ADAMTSL3: variants seen among roughly 807,000 people sequenced by gnomAD.
The protein encoded by ADAMTSL3 is ADAMTS like 3.
In ADAMTSL3, 128 loss-of-function variants were observed where a neutral mutation model predicts 201.7. The observed-to-expected ratio is 0.63, with a 90% CI of 0.55 to 0.73. The LOEUF (loss-of-function observed/expected upper bound fraction) is 0.73, where lower values mean the gene tolerates loss of function less well. ADAMTSL3 is among the 30% of genes least tolerant of loss of function. ADAMTSL3 has a pLI of 0.00. For synonymous variants in ADAMTSL3, 738 were observed against 748.4 expected (o/e 0.99, Z 0.23); for missense variants, 1,990 against 2,119.6 (o/e 0.94, Z 1.20).
chr15:83,735,238 A>C (rs1237633345), intron 3 of ADAMTSL3, among the ~76,000 whole-genome samples: 1 of 152,158 alleles, frequency 6.6e-6, no homozygotes, highest in Admixed American at 6.5e-5. Flanking sequence ...AATACACACC[A>C]TAGAGCTCTC....
intron 19 of ADAMTSL3, among the ~76,000 whole-genome samples, chr15:83,958,292 G>A (rs1035685721): frequency 4.6e-5 from 7 of 152,192 alleles, no homozygotes; most frequent in Admixed American, 2.6e-4. Flanking sequence ...AGTGTGATTG[G>A]ATGCAAGAAA....
At chr15:83,699,172 C>T (rs74024544) in intron 2 of ADAMTSL3, among the ~76,000 whole-genome samples, 3,685 of 152,146 alleles carry the variant, frequency 0.024, 145 homozygotes, top group African/African-American at 0.078. Flanking sequence ...CTATCTCCAG[C>T]GTCAGATTTC....
At chr15:83,687,926 A>G (rs1293827390) in intron 2 of ADAMTSL3, among the ~76,000 whole-genome samples, 1 of 152,188 alleles carries the variant, frequency 6.6e-6, no homozygotes, top group Non-Finnish European at 1.5e-5. Context: ...TTTTCCAAGC[A>G]AAAATTCAGT....
At chr15:83,801,637 A>AAT (rs1212487067) in intron 4 of ADAMTSL3, among the ~76,000 whole-genome samples, 1 of 53,330 alleles carries the variant, frequency 1.9e-5, no homozygotes, top group Non-Finnish European at 3.4e-5. Flanking sequence ...TATATATATA[A>AAT]ATATATAAAT....
chr15:83,737,773 G>A (rs921420089), intron 3 of ADAMTSL3, among the ~76,000 whole-genome samples: 8 of 152,008 alleles, frequency 5.3e-5, no homozygotes, highest in South Asian at 4.2e-4. Flanking sequence ...TACATACCCC[G>A]ATACATCGTG....
intron 4 of ADAMTSL3, among the ~76,000 whole-genome samples, chr15:83,781,868 G>A (rs745675524): frequency 1.7e-4 from 26 of 152,122 alleles, no homozygotes; most frequent in Non-Finnish European, 3.2e-4. Flanking sequence ...ACCACAATGC[G>A]ATAACATGTC....
intron 22 of ADAMTSL3, among the ~76,000 whole-genome samples, chr15:83,990,179 G>A (rs1417377528): frequency 6.6e-6 from 1 of 152,096 alleles, no homozygotes; most frequent in African/African-American, 2.4e-5. Context: ...AGTCCAGAGA[G>A]GGAAGATTTT....
chr15:84,034,303 C>A (rs558789020), intron 28 of ADAMTSL3, among the ~76,000 whole-genome samples: 1 of 152,030 alleles, frequency 6.6e-6, no homozygotes, highest in Non-Finnish European at 1.5e-5. Context: ...GCAATGGAGA[C>A]CCCCCATTTG....
chr15:83,749,071 A>G (rs774072349), intron 3 of ADAMTSL3, among the ~76,000 whole-genome samples: 1 of 152,222 alleles, frequency 6.6e-6, no homozygotes, highest in Non-Finnish European at 1.5e-5. Flanking sequence ...CACAGCCCAC[A>G]AGAAACTCTG....
intron 19 of ADAMTSL3, among the ~76,000 whole-genome samples, chr15:83,946,297 G>A (rs1326267711): frequency 1.3e-5 from 2 of 152,180 alleles, no homozygotes; most frequent in African/African-American, 2.4e-5. Flanking sequence ...TGCCAGTTGC[G>A]TATCACTAAA....
At chr15:83,804,121 C>T (rs771911456) in intron 4 of ADAMTSL3, among the ~76,000 whole-genome samples, 4 of 151,074 alleles carry the variant, frequency 2.6e-5, no homozygotes, top group East Asian at 2.0e-4. Context: ...CCAGCCTGGG[C>T]GACAGAGTGA....
At chr15:83,822,966 G>T (rs1279412127) in intron 6 of ADAMTSL3, among the ~76,000 whole-genome samples, 1 of 152,078 alleles carries the variant, frequency 6.6e-6, no homozygotes, top group Admixed American at 6.5e-5. Context: ...GCGGAGGCTG[G>T]CGGATCACTC....
intron 13 of ADAMTSL3, among the ~76,000 whole-genome samples, chr15:83,893,293 G>A (rs1333912670): frequency 2.0e-5 from 3 of 152,150 alleles, no homozygotes; most frequent in African/African-American, 7.2e-5. Context: ...TTTGAAGAAT[G>A]TAAACAAGCA....
chr15:83,943,569 G>A (rs925049073), intron 19 of ADAMTSL3, among the ~76,000 whole-genome samples: 8 of 152,192 alleles, frequency 5.3e-5, no homozygotes, highest in African/African-American at 1.4e-4. Context: ...CTAGTAGATC[G>A]TTTCAGTGCT....
intron 19 of ADAMTSL3, among the ~76,000 whole-genome samples, chr15:83,944,838 G>A (rs1567254237): frequency 6.6e-6 from 1 of 152,142 alleles, no homozygotes; most frequent in African/African-American, 2.4e-5. Flanking sequence ...AATGGTTCTT[G>A]TGAGGATAAC....
chr15:83,688,249 G>A (rs2061563619), intron 2 of ADAMTSL3, among the ~76,000 whole-genome samples: 1 of 152,186 alleles, frequency 6.6e-6, no homozygotes, highest in Non-Finnish European at 1.5e-5. Context: ...TAACTTCTAA[G>A]GAGGAAGATG....
intron 3 of ADAMTSL3, among the ~76,000 whole-genome samples, chr15:83,735,283 C>G (rs917287127): frequency 4.6e-5 from 7 of 152,072 alleles, no homozygotes; most frequent in Non-Finnish European, 1.0e-4. Flanking sequence ...TTGATCTGAG[C>G]TTTCTAGCAG....
intron 20 of ADAMTSL3, among the ~76,000 whole-genome samples, chr15:83,974,332 GAGA>G (rs2142136437): frequency 6.6e-6 from 1 of 152,326 alleles, no homozygotes; most frequent in Non-Finnish European, 1.5e-5. Flanking sequence ...TCTGTAAAAT[GAGA>G]ATAGTCTTTA....
chr15:83,689,195 T>C (rs1274698196), intron 2 of ADAMTSL3, among the ~76,000 whole-genome samples: 1 of 152,200 alleles, frequency 6.6e-6, no homozygotes, highest in Non-Finnish European at 1.5e-5. Flanking sequence ...AAGATGGCCA[T>C]ATAAATTTGT....
Sources: gnomAD v4.1 joint callset for allele counts (sites outside exome capture counted in the v4.1 genomes callset) on GRCh38, gnomAD v4.1.1 for gene constraint, MANE v1.5 for transcripts, NCBI Gene and HGNC (gene_info 2026-07-23, HGNC 2026-07-21) for gene names.